Variants in CYRIB observed in about 807,000 individuals in gnomAD.
CYRIB encodes CYFIP related Rac1 interactor B.
Under a neutral mutation model 44.2 loss-of-function variants are expected in CYRIB, and 8 were observed. The observed-to-expected ratio is 0.18, with a 90% CI of 0.11 to 0.33. The LOEUF (loss-of-function observed/expected upper bound fraction) is 0.33. CYRIB is among the 10% of genes least tolerant of loss of function. The pLI, the probability that CYRIB is intolerant of heterozygous loss-of-function variation, is 1.00. For missense variants in CYRIB, 185 were observed against 382.8 expected (o/e 0.48, Z 4.31); for synonymous variants, 131 against 127.2 (o/e 1.03, Z -0.20).
intron 9 of CYRIB, 47 bp downstream of exon 11, chr8:129,850,788 T>C (rs757686758): frequency 3.1e-6 from 4 of 1,277,640 alleles, no homozygotes; most frequent in Non-Finnish European, 4.5e-6. Flanking sequence ...GAAATATCAG[T>C]CATCTCAACA....
Position 129,971,308 on chromosome 8 carries a change from G to T in CYRIB, c.-295-313C>A, listed in dbSNP as rs530730036. On this transcript the variant is annotated intron_variant, in intron 1 of 14. Coordinates refer to the CYRIB transcript ENST00000401979. ...GGGTTTCATCATGTTGGCCAGGCTGGTCTTGAACTCCTGACCTCAAGTGAT... is the reference window on the plus strand; with the variant it reads ...GGGTTTCATCATGTTGGCCAGGCTGTTCTTGAACTCCTGACCTCAAGTGAT... Among the ~76,000 whole-genome samples the T allele has an allele frequency of 2.8e-4, 42 of 152,180 alleles. 1 individual carries two copies. The South Asian group carries it at 8.7e-3, about 32-fold the overall frequency.
chr8:129,973,616 C>T (rs1451714878), intron 1 of CYRIB, among the ~76,000 whole-genome samples: 2 of 152,220 alleles, frequency 1.3e-5, no homozygotes, highest in East Asian at 3.8e-4. Flanking sequence ...CTTCCTCTTT[C>T]GTCTCCTCTC....
chr8:129,877,664 GTGT>G (rs1564510773), intron 3 of CYRIB, among the ~76,000 whole-genome samples: 2 of 21,930 alleles, frequency 9.1e-5, no homozygotes, highest in South Asian at 1.2e-3. Flanking sequence ...AAAAAAAAAG[GTGT>G]GTGTGTGTGT....
chr8:129,950,015 A>G (rs1474032030), intron 2 of CYRIB, among the ~76,000 whole-genome samples: 3 of 152,232 alleles, frequency 2.0e-5, no homozygotes, highest in Admixed American at 2.0e-4. Context: ...ATAAAAAGCA[A>G]CAATTACATA....
intron 1 of CYRIB, among the ~76,000 whole-genome samples, chr8:129,996,292 G>A (rs1045234053): frequency 6.6e-6 from 1 of 152,008 alleles, no homozygotes; most frequent in East Asian, 1.9e-4. Flanking sequence ...CACAGGCCAC[G>A]GCAGCTCAGA....
chr8:129,974,485 A>T (rs2095837926), intron 1 of CYRIB, among the ~76,000 whole-genome samples: 1 of 152,102 alleles, frequency 6.6e-6, no homozygotes, highest in African/African-American at 2.4e-5. Context: ...CACTGAAGCA[A>T]ATCTATTTAC....
At chr8:129,906,960 G>T (rs1406590472) in intron 1 of CYRIB, among the ~76,000 whole-genome samples, 1 of 152,196 alleles carries the variant, frequency 6.6e-6, no homozygotes, top group South Asian at 2.1e-4. Flanking sequence ...ACAGGTGCTG[G>T]AGAGGATGTG....
intron 1 of CYRIB, among the ~76,000 whole-genome samples, chr8:130,004,183 C>A (rs1039680838): frequency 7.9e-5 from 12 of 152,222 alleles, no homozygotes; most frequent in African/African-American, 2.7e-4. Context: ...GTAACACCCC[C>A]ACTGGGTATC....
intron 3 of CYRIB, among the ~76,000 whole-genome samples, chr8:129,876,830 A>G (rs1016215253): frequency 1.3e-5 from 2 of 152,038 alleles, no homozygotes; most frequent in Non-Finnish European, 2.9e-5. Flanking sequence ...GTAAAACTAA[A>G]TTACTCTGGT....
At chr8:129,951,500 T>C (rs1489985420) in intron 2 of CYRIB, among the ~76,000 whole-genome samples, 1 of 150,396 alleles carries the variant, frequency 6.6e-6, no homozygotes, top group Admixed American at 6.6e-5. Context: ...AGGTCAGGAG[T>C]TCGAGACCAG....
At chr8:129,947,030 C>A (rs1311385151) in intron 2 of CYRIB, among the ~76,000 whole-genome samples, 4 of 151,728 alleles carry the variant, frequency 2.6e-5, no homozygotes, top group Non-Finnish European at 5.9e-5. Flanking sequence ...TCCTTCACAG[C>A]GCTTATCACA....
At chr8:129,931,798 T>C (rs1251865852) in intron 1 of CYRIB, among the ~76,000 whole-genome samples, 2 of 151,882 alleles carry the variant, frequency 1.3e-5, no homozygotes, top group Non-Finnish European at 2.9e-5. Flanking sequence ...AGCTAATCTT[T>C]GTATTTTAAG....
At chr8:129,974,569 T>C (rs2095840430) in intron 1 of CYRIB, among the ~76,000 whole-genome samples, 1 of 152,122 alleles carries the variant, frequency 6.6e-6, no homozygotes, top group Non-Finnish European at 1.5e-5. Context: ...TAATTATCTA[T>C]TATGTGATCT....
intron 11 of CYRIB, among the ~76,000 whole-genome samples, chr8:129,843,613 G>C (rs771395254): frequency 1.3e-5 from 2 of 152,182 alleles, no homozygotes; most frequent in Non-Finnish European, 2.9e-5. Flanking sequence ...TATTACCCCG[G>C]TTGGCCTTCA....
chr8:129,898,876 T>G (rs2069791462), intron 2 of CYRIB, among the ~76,000 whole-genome samples: 1 of 149,518 alleles, frequency 6.7e-6, no homozygotes, highest in African/African-American at 2.4e-5. Context: ...TTGCCTTTCT[T>G]TTTTTTTTTG....
chr8:129,845,691 T>C (rs1377774850), intron 11 of CYRIB, among the ~76,000 whole-genome samples: 3 of 152,248 alleles, frequency 2.0e-5, no homozygotes. Flanking sequence ...CTACATTTTA[T>C]GTGGTAAATA....
intron 1 of CYRIB, among the ~76,000 whole-genome samples, chr8:130,003,203 G>A (rs1023862111): frequency 1.3e-5 from 2 of 152,188 alleles, no homozygotes; most frequent in East Asian, 3.8e-4. Context: ...AGTTGACAGA[G>A]TGAGACCCTG....
intron 4 of CYRIB, chr8:129,865,034 G>C (rs1264581208): frequency 1.2e-5 from 2 of 170,068 alleles, no homozygotes; most frequent in African/African-American, 4.8e-5. Flanking sequence ...GGAGAAGGTA[G>C]AATGCTCTCC....
At chr8:129,963,119 C>T (rs963405021) in intron 2 of CYRIB, among the ~76,000 whole-genome samples, 2 of 152,150 alleles carry the variant, frequency 1.3e-5, no homozygotes, top group Non-Finnish European at 2.9e-5. Context: ...TTTTTACCTC[C>T]TGCTAGAACC....
Sources: allele counts gnomAD v4.1 joint callset (sites outside exome capture counted in the v4.1 genomes callset), GRCh38; gene constraint gnomAD v4.1.1; transcripts MANE v1.5; gene names NCBI Gene and HGNC (gene_info 2026-07-23, HGNC 2026-07-21).